The following FAM110A variants were observed in gnomAD, a reference collection of about 807,000 sequenced individuals.
FAM110A encodes protein FAM110A.
Under a neutral mutation model 4.0 loss-of-function variants are expected in FAM110A, and 1 was observed. The ratio of observed to expected loss-of-function variants is 0.25; its 90% confidence interval spans 0.09 to 1.20. The LOEUF (loss-of-function observed/expected upper bound fraction) is 1.20. Ranked by LOEUF, FAM110A falls within the 50% of genes most tolerant of loss-of-function variation. The probability of loss-of-function intolerance (pLI) is 0.50; values close to 1 mark genes in which losing one functional copy is unlikely to be tolerated. For synonymous variants in FAM110A, 217 were observed against 196.8 expected, an observed-to-expected ratio of 1.10 and a Z score of -0.86; for missense variants, 436 against 429.2, an observed-to-expected ratio of 1.02 and a Z score of -0.14.
rs566846002 is a variant in FAM110A at position 834,818 on chromosome 20, T to C, written c.-98+867T>C. ...AGTCTTCAATCTCTTCATAAGGGAG[T>C]TACATATCCTCTCTCCTCTGGAGCC... On this transcript the variant is annotated intron_variant, in intron 1 of 1. Coordinates refer to ENST00000381941, the MANE Select transcript of FAM110A (RefSeq NM_001042353.3). This position sits in a 1 kb window ranked among gnomAD's most constrained non-coding sequence, Gnocchi z 5.6. 6.6e-6 allele frequency among the ~76,000 whole-genome samples: 1 copy of C among 152,160 alleles called. No homozygotes were observed. The highest frequency in any genetic ancestry group is 2.1e-4 in the South Asian group (1 of 4,814).
rs780437328 is a variant in FAM110A at position 845,402 on chromosome 20, G to T, written c.598G>T (p.Ala200Ser). The stretch of plus-strand genomic sequence containing the variant: ...GAGCGAGCGCTTTTCTAGGGCAGCC[G>T]CTGATCTCGAGCGCTTTTTTAACTT... ...DLSERFSRAAADLERFFNFCG... is the reference protein window; with the variant it reads ...DLSERFSRAASDLERFFNFCG... Residue 200 changes from alanine (A) to serine (S), a missense_variant, in exon 2 of 2, where the codon GCT becomes TCT. By Grantham distance (99) the Ala-to-Ser change is moderately conservative. Transcript: ENST00000381941. The T allele has an allele frequency of 1.2e-6, 2 of 1,613,672 alleles. No individual in the cohort carries two copies. Among genetic ancestry groups the T allele is most frequent in the African/African-American group, 1.3e-5 (1 of 75,048 alleles).
At chr20:836,862 A>G (rs543423010) in intron 1 of FAM110A, among the ~76,000 whole-genome samples, 19 of 151,806 alleles carry the variant, frequency 1.3e-4, no homozygotes, top group African/African-American at 4.6e-4. Context: ...ATCTTCACCA[A>G]CACTTGTTAT....
Position 845,625 on chromosome 20 carries a change from A to C in FAM110A, c.821A>C (p.Asn274Thr). 1 of 1,614,078 alleles carries C rather than the reference A, an allele frequency of 6.2e-7. No homozygotes were observed. Among genetic ancestry groups the C allele is most frequent in the Non-Finnish European group, 8.5e-7 (1 of 1,180,020 alleles). The change falls in exon 2 of 2, where the codon AAT (asparagine) becomes ACT (threonine). Residue 274 changes from asparagine to threonine, a missense_variant. Transcript: ENST00000381941. ...TATGGCGTGTCGGTGGTGGAGCGCA[A>C]TGCCCGCGTGATCAAGTGGTTGTAT... ...VPYGVSVVER[N>T]ARVIKWLYGL...
At position 845,826 on chromosome 20, in the gene FAM110A, G is replaced by C; in HGVS notation, c.*134G>C. On this transcript the variant is annotated 3_prime_UTR_variant, in exon 2 of 2. Transcript: ENST00000381941. ...GTTGTGAACTTGGTATGGAGGCAAA[G>C]GCTTAGAGGCTGGACCAGCATTGTT... 6.8e-7 allele frequency: 1 copy of C among 1,467,232 alleles called. No individual in the cohort carries two copies. Among genetic ancestry groups the C allele is most frequent in the Non-Finnish European group, 9.0e-7 (1 of 1,106,338 alleles). The allele number at this position is 1,467,232 out of a possible 1,614,324, so 90.9% of individuals were successfully genotyped here. A position where few individuals can be genotyped will look rare whatever the true frequency, so the allele number is the denominator to read the frequency against.
intron 1 of FAM110A, chr20:839,748 T>A (rs1324572469): frequency 8.7e-6 from 12 of 1,383,908 alleles, no homozygotes; most frequent in Non-Finnish European, 1.2e-5. Context: ...ACGGAGATAC[T>A]GGCTACCCTC....
chr20:835,800 C>T (rs1178198495), intron 1 of FAM110A, among the ~76,000 whole-genome samples: 5 of 152,208 alleles, frequency 3.3e-5, no homozygotes, highest in Non-Finnish European at 7.3e-5. Context: ...ACCTGGACAG[C>T]TGGGCTGAAA....
At position 845,679 on chromosome 20, in the gene FAM110A, C is replaced by A; in HGVS notation, c.875C>A (p.Ala292Glu). 6.2e-7 allele frequency: 1 copy of A among 1,614,048 alleles called. No individual in the cohort carries two copies. The highest frequency in any genetic ancestry group is 1.1e-5 in the South Asian group (1 of 91,084). The change falls in exon 2 of 2, where the codon GCA (alanine) becomes GAA (glutamate). Residue 292 changes from alanine to glutamate, a missense_variant. Coordinates refer to ENST00000381941, the MANE Select transcript of FAM110A (RefSeq NM_001042353.3). ...YGLRQARESP[A>E]AEG ...CTAAGGCAGGCTCGGGAGAGCCCAGCAGCTGAAGGCTAGGCGCCACTGGGC... is the reference window on the plus strand; with the variant it reads ...CTAAGGCAGGCTCGGGAGAGCCCAGAAGCTGAAGGCTAGGCGCCACTGGGC...
At chr20:843,970 G>A (rs1377486344) in intron 1 of FAM110A, among the ~76,000 whole-genome samples, 1 of 152,232 alleles carries the variant, frequency 6.6e-6, no homozygotes, top group African/African-American at 2.4e-5. Context: ...GATCACCGTG[G>A]GCCATCCAGT....
chr20:845,648 T>C lies in FAM110A; in HGVS notation c.844T>C (p.Tyr282His). Reference sequence around the variant, plus strand: ...CAATGCCCGCGTGATCAAGTGGTTGTATGGGCTAAGGCAGGCTCGGGAGAG... The same window carrying C: ...CAATGCCCGCGTGATCAAGTGGTTGCATGGGCTAAGGCAGGCTCGGGAGAG... ...ERNARVIKWL[Y>H]GLRQARESPA... The change falls in exon 2 of 2, where the codon TAT (tyrosine) becomes CAT (histidine). Residue 282 changes from tyrosine to histidine, a missense_variant. Transcript: ENST00000381941. 6.2e-7 allele frequency: 1 copy of C among 1,614,040 alleles called. No homozygotes were observed.
Position 840,064 on chromosome 20 carries a change from G to A in FAM110A, c.-97-4644G>A. The A allele has an allele frequency of 5.2e-6, 4 of 769,210 alleles. No individual in the cohort carries two copies. In the East Asian group the frequency reaches 1.1e-4, roughly 21 times the overall value. The allele number at this position is 769,210 out of a possible 1,614,324, so 47.6% of individuals were successfully genotyped here. A position where few individuals can be genotyped will look rare whatever the true frequency, so the allele number is the denominator to read the frequency against. On this transcript the variant is annotated intron_variant, in intron 1 of 1. Coordinates refer to ENST00000381941, the MANE Select transcript of FAM110A (RefSeq NM_001042353.3). This position sits in a 1 kb window ranked among gnomAD's most constrained non-coding sequence, Gnocchi z 4.4. ...TTACGAAAATCATTATTGTTGCTTT[G>A]CTGTTACTACTATTAGCGCCTGAAG... is the stretch of plus-strand genomic sequence containing the variant.
In FAM110A at chr20:834,801, A is replaced by G. The variant is rs750188735; in HGVS notation, c.-98+850A>G. 3.3e-5 allele frequency among the ~76,000 whole-genome samples: 5 copies of G among 152,188 alleles called. No homozygotes were observed. Among genetic ancestry groups the G allele is most frequent in the Non-Finnish European group, 7.3e-5 (5 of 68,038 alleles). Reference sequence around the variant, plus strand: ...GAATCATGCATTTTGAGAGTCTTCAATCTCTTCATAAGGGAGTTACATATC... The same window carrying G: ...GAATCATGCATTTTGAGAGTCTTCAGTCTCTTCATAAGGGAGTTACATATC... On this transcript the variant is annotated intron_variant, in intron 1 of 1. Coordinates refer to ENST00000381941, the MANE Select transcript of FAM110A (RefSeq NM_001042353.3). The surrounding 1 kb of genome is among the most constrained non-coding windows in gnomAD (Gnocchi z 5.6).
intron 1 of FAM110A, 119 bp from the exon 2 acceptor site, chr20:844,589 T>C: frequency 1.7e-6 from 1 of 590,726 alleles, no homozygotes; most frequent in Non-Finnish European, 2.5e-6. Context: ...TGGCTCCTTG[T>C]GGAGGGGCGT....
rs1400890321 is a variant in FAM110A at position 844,820 on chromosome 20, C to T, written c.16C>T (p.Leu6=). The T allele has an allele frequency of 6.7e-7, 1 of 1,499,262 alleles. No homozygotes were observed. The highest frequency in any genetic ancestry group is 2.5e-5 in the East Asian group (1 of 40,518). 92.9% of individuals were successfully genotyped at this position (1,499,262 alleles called of 1,614,324 possible). A position where few individuals can be genotyped will look rare whatever the true frequency, so the allele number is the denominator to read the frequency against. Residue 6 remains leucine (L), a synonymous_variant, in exon 2 of 2, where the codon CTG becomes TTG. Transcript: ENST00000381941. ...TGCAGCAGCCATGCCTGTGCACACG[C>T]TGAGCCCCGGAGCCCCGTCCGCCCC... MPVHT[L]SPGAPSAPAL...
In FAM110A at chr20:834,857, G is replaced by A. The variant is rs1249190077; in HGVS notation, c.-98+906G>A. 6.6e-6 allele frequency among the ~76,000 whole-genome samples: 1 copy of A among 152,138 alleles called. No homozygotes were observed. Among genetic ancestry groups the A allele is most frequent in the African/African-American group, 2.4e-5 (1 of 41,416 alleles). ...TCCTCTGGAGCCTGCCCCTGGCTTTGGGGGACAGGATCTCCGAGGACTCAG... is the reference window on the plus strand; with the variant it reads ...TCCTCTGGAGCCTGCCCCTGGCTTTAGGGGACAGGATCTCCGAGGACTCAG... On this transcript the variant is annotated intron_variant, in intron 1 of 1. Transcript: ENST00000381941. The surrounding 1 kb of genome is among the most constrained non-coding windows in gnomAD (Gnocchi z 5.6).
intron 1 of FAM110A, among the ~76,000 whole-genome samples, chr20:835,206 A>C (rs951163436): frequency 1.2e-4 from 18 of 149,946 alleles, no homozygotes; most frequent in South Asian, 6.4e-4. Context: ...CTCTCTATAT[A>C]TATATATACA....
intron 1 of FAM110A, chr20:839,863 T>G: frequency 6.2e-7 from 1 of 1,605,686 alleles, no homozygotes; most frequent in Non-Finnish European, 8.5e-7. Flanking sequence ...TTGGGCACAT[T>G]CTTGTCTGCC....
chr20:842,962 G>A (rs1234955271), intron 1 of FAM110A, among the ~76,000 whole-genome samples: 1 of 151,992 alleles, frequency 6.6e-6, no homozygotes, highest in Non-Finnish European at 1.5e-5. Context: ...TGAAACTGGG[G>A]TATAGTGAAC....
Position 845,133 on chromosome 20 carries a change from T to C in FAM110A, c.329T>C (p.Leu110Pro). The change falls in exon 2 of 2, where the codon CTC becomes CCC. Residue 110 changes from leucine to proline, a missense_variant. By Grantham distance (98) the Leu-to-Pro change is moderately conservative (BLOSUM62 -3). Transcript: ENST00000381941. ...PQLDLDILSS[L>P]IDLCDSPVSP... ...CTGGACCTGGACATCCTCAGCAGCC[T>C]CATCGACTTGTGTGACAGCCCCGTG... The C allele has an allele frequency of 6.3e-7, 1 of 1,583,462 alleles. No individual in the cohort carries two copies. The highest frequency in any genetic ancestry group is 8.6e-7 in the Non-Finnish European group (1 of 1,166,166).
At position 844,982 on chromosome 20, in the gene FAM110A, G is replaced by T; in HGVS notation, c.178G>T (p.Ala60Ser). Residue 60 changes from alanine (A) to serine (S), a missense_variant, in exon 2 of 2, where the codon GCC becomes TCC. Physicochemically the swap from Ala to Ser is moderately conservative, Grantham distance 99. Coordinates refer to ENST00000381941, the MANE Select transcript of FAM110A (RefSeq NM_001042353.3). ...CAAGTACGTCAAGAGCCTGCACGTG[G>T]CCAACACCCGCCAGGAGCCTGTGCA... ...KAKYVKSLHV[A>S]NTRQEPVQPL... The T allele has an allele frequency of 6.3e-7, 1 of 1,593,566 alleles. No individual in the cohort carries two copies. Among genetic ancestry groups the T allele is most frequent in the East Asian group, 2.3e-5 (1 of 43,410 alleles).
Sources: allele counts gnomAD v4.1 joint callset (sites outside exome capture counted in the v4.1 genomes callset), GRCh38; gene constraint gnomAD v4.1.1; non-coding constraint Gnocchi (gnomAD v3.1); transcripts MANE v1.5; gene names NCBI Gene and HGNC (gene_info 2026-07-23, HGNC 2026-07-21).